Variants in ERBB4 observed in about 807,000 individuals in gnomAD.
ERBB4 encodes the protein erb-b2 receptor tyrosine kinase 4.
In ERBB4, 42 loss-of-function variants were observed where a neutral mutation model predicts 158.0. The ratio of observed to expected loss-of-function variants is 0.27; its 90% CI spans 0.21 to 0.34. The LOEUF is 0.34. Ranked by LOEUF, ERBB4 falls within the 10% of genes least tolerant of loss-of-function variation. The pLI, the probability that ERBB4 is intolerant of heterozygous loss-of-function variation, is 1.00. For missense variants in ERBB4, 1,333 were observed against 1,624.1 expected (o/e 0.82, Z 3.08); for synonymous variants, 583 against 558.7 (o/e 1.04, Z -0.61).
At chr2:211,856,953 T>C (rs1016019067) in intron 3 of ERBB4, among the ~76,000 whole-genome samples, 1 of 152,200 alleles carries the variant, frequency 6.6e-6, no homozygotes, top group Non-Finnish European at 1.5e-5. Flanking sequence ...AGATTTACTA[T>C]CTCGAATTTA....
At chr2:212,163,944 C>A (rs1287811125) in intron 1 of ERBB4, among the ~76,000 whole-genome samples, 1 of 151,906 alleles carries the variant, frequency 6.6e-6, no homozygotes, top group Non-Finnish European at 1.5e-5. Context: ...AGGTATATAC[C>A]ACCATGCTAG....
rs542478496 is a variant in ERBB4, at chr2:212,429,956, A to G, written c.82+108493T>C. On this transcript the variant is annotated intron_variant, in intron 1 of 27. Coordinates refer to ENST00000342788, the MANE Select transcript of ERBB4 (RefSeq NM_005235.3). ...CTACACTGAAACATTAAGTTGGAAG[A>G]GAGGCAGAAGTAATGGGATTCATAC... 9.2e-5 allele frequency among the ~76,000 whole-genome samples: 14 copies of G among 152,350 alleles called. No individual in the cohort carries two copies. In the South Asian group the frequency reaches 2.9e-3, roughly 32 times the overall value.
chr2:212,022,107 A>G (rs2076665890), intron 2 of ERBB4, among the ~76,000 whole-genome samples: 1 of 152,192 alleles, frequency 6.6e-6, no homozygotes, highest in African/African-American at 2.4e-5. Flanking sequence ...TGTGGAAGAC[A>G]GTGTGGCAAT....
At chr2:212,273,875 T>C (rs1454614229) in intron 1 of ERBB4, among the ~76,000 whole-genome samples, 1 of 151,798 alleles carries the variant, frequency 6.6e-6, no homozygotes, top group Non-Finnish European at 1.5e-5. Context: ...GATTTAAACC[T>C]AGAGTATAAT....
chr2:211,580,877 A>AGTATG (rs71054116), intron 19 of ERBB4, among the ~76,000 whole-genome samples: 389 of 8,388 alleles, frequency 0.046, 30 homozygotes, highest in East Asian at 0.25. Context: ...ATATATATAT[A>AGTATG]TATATATATA....
chr2:212,039,025 G>A (rs2077079390), intron 2 of ERBB4, among the ~76,000 whole-genome samples: 1 of 152,030 alleles, frequency 6.6e-6, no homozygotes, highest in African/African-American at 2.4e-5. Flanking sequence ...AATTTAAATG[G>A]TCAATATCAT....
At chr2:211,737,209 T>A (rs2074629262) in intron 5 of ERBB4, among the ~76,000 whole-genome samples, 1 of 152,148 alleles carries the variant, frequency 6.6e-6, no homozygotes, top group Admixed American at 6.5e-5. Flanking sequence ...TCCACACTAG[T>A]ATGAGAGTTA....
At chr2:211,941,685 G>C (rs2080501552) in intron 3 of ERBB4, among the ~76,000 whole-genome samples, 1 of 145,560 alleles carries the variant, frequency 6.9e-6, no homozygotes, top group Non-Finnish European at 1.5e-5. Flanking sequence ...TAAGCACAAA[G>C]TAGTTAGAAG....
chr2:211,657,871 A>G (rs1424650261), intron 15 of ERBB4, 43 bp from the exon 16 acceptor site: 1 of 1,605,582 alleles, frequency 6.2e-7, no homozygotes, highest in Non-Finnish European at 8.5e-7. Flanking sequence ...CTCCATCCAC[A>G]GTGACATGCA....
chr2:212,443,755 C>T (rs2092299400), intron 1 of ERBB4, among the ~76,000 whole-genome samples: 1 of 152,178 alleles, frequency 6.6e-6, no homozygotes, highest in African/African-American at 2.4e-5. Context: ...AAGCCTTTGG[C>T]AGGTCCCCAT....
At chr2:211,417,459 G>C (rs566293519) in intron 25 of ERBB4, among the ~76,000 whole-genome samples, 1 of 152,294 alleles carries the variant, frequency 6.6e-6, no homozygotes, top group South Asian at 2.1e-4. Flanking sequence ...GGGTGACAGA[G>C]TGAGATCCTG....
At chr2:211,466,570 G>T (rs1341349648) in intron 20 of ERBB4, among the ~76,000 whole-genome samples, 1 of 152,034 alleles carries the variant, frequency 6.6e-6, no homozygotes, top group Non-Finnish European at 1.5e-5. Flanking sequence ...CAACAACTGA[G>T]TTCAGTATGC....
In ERBB4 at chr2:212,392,507, C is replaced by T. The variant is rs2090907318; in HGVS notation, c.82+145942G>A. On this transcript the variant is annotated intron_variant, in intron 1 of 27. Coordinates refer to ENST00000342788, the MANE Select transcript of ERBB4 (RefSeq NM_005235.3). ...ATTAAAATCTACCTCTCTGCTGAGA[C>T]CTGTTTGGTAATAAATTCTGCTAGG... is the stretch of plus-strand genomic sequence containing the variant. Among the ~76,000 whole-genome samples the T allele has an allele frequency of 2.6e-5, 4 of 152,160 alleles. No individual in the cohort carries two copies. The South Asian group carries it at 8.3e-4, about 32-fold the overall frequency.
intron 3 of ERBB4, among the ~76,000 whole-genome samples, chr2:211,937,188 A>C (rs2080348512): frequency 6.6e-6 from 1 of 151,862 alleles, no homozygotes; most frequent in Admixed American, 6.6e-5. Flanking sequence ...TGTGGACTAC[A>C]AACAAAAACA....
At chr2:211,877,014 G>T (rs753214684) in intron 3 of ERBB4, among the ~76,000 whole-genome samples, 7 of 152,120 alleles carry the variant, frequency 4.6e-5, no homozygotes, top group Non-Finnish European at 7.3e-5. Flanking sequence ...CTCATAACTT[G>T]TTCTTTCTTC....
At chr2:211,702,314 C>T (rs1308888062) in intron 11 of ERBB4, 148 bp from the exon 12 acceptor site, 2 of 725,428 alleles carry the variant, frequency 2.8e-6, no homozygotes, top group East Asian at 5.4e-5. Flanking sequence ...TTTTTACATG[C>T]TATATACAGT....
intron 20 of ERBB4, among the ~76,000 whole-genome samples, chr2:211,456,119 A>G (rs2064375899): frequency 6.6e-6 from 1 of 152,128 alleles, no homozygotes; most frequent in Non-Finnish European, 1.5e-5. Flanking sequence ...TATGATAATG[A>G]GGAATTTGAA....
At chr2:211,556,959 T>C (rs1303527728) in intron 20 of ERBB4, among the ~76,000 whole-genome samples, 3 of 152,194 alleles carry the variant, frequency 2.0e-5, no homozygotes, top group East Asian at 3.9e-4. Flanking sequence ...TAAGGCTGCA[T>C]ACCTTCAACT....
intron 1 of ERBB4, among the ~76,000 whole-genome samples, chr2:212,216,760 A>G (rs147569547): frequency 1.4e-4 from 21 of 151,484 alleles, no homozygotes; most frequent in Non-Finnish European, 2.2e-4. Flanking sequence ...GATTATATAC[A>G]TAACATGTTG....
Sources: allele counts gnomAD v4.1 joint callset (sites outside exome capture counted in the v4.1 genomes callset), GRCh38; gene constraint gnomAD v4.1.1; transcripts MANE v1.5; gene names NCBI Gene and HGNC (gene_info 2026-07-23, HGNC 2026-07-21).